The following ANKFN1 variants were observed in gnomAD, a reference collection of about 807,000 sequenced individuals.
ANKFN1 encodes ankyrin repeat and fibronectin type-III domain-containing protein 1.
A neutral mutation model predicts 108.7 loss-of-function variants in ANKFN1; 74 were observed. That is an observed-to-expected ratio of 0.68 (90% CI 0.56 to 0.83). ANKFN1 has a LOEUF of 0.83. Among genes scored for constraint, ANKFN1 ranks in the 40% least tolerant of loss-of-function variants. The pLI, the probability that ANKFN1 is intolerant of heterozygous loss-of-function variation, is 0.00. For synonymous variants in ANKFN1, 547 were observed against 516.2 expected, an observed-to-expected ratio of 1.06 and a Z score of -0.81; for missense variants, 1,505 against 1,382.3, an observed-to-expected ratio of 1.09 and a Z score of -1.41.
At chr17:56,226,757 C>A (rs924156379) in intron 2 of ANKFN1, among the ~76,000 whole-genome samples, 8 of 152,276 alleles carry the variant, frequency 5.3e-5, no homozygotes, top group South Asian at 2.1e-4. Flanking sequence ...AGAGGAAATA[C>A]AATAAGTCTG....
rs542436557 is a variant in ANKFN1, at chr17:56,064,112, C to T, written c.288+17787C>T. On this transcript the variant is annotated intron_variant, in intron 4 of 12. Transcript: ENST00000635860. ...GGCTGGAGAACAGCAAAGATGGGTG[C>T]GTACTCCTTCTTCTGGGATCTCTGA... Among the ~76,000 whole-genome samples, 50 of 152,264 alleles carry T rather than the reference C, an allele frequency of 3.3e-4. No homozygotes were observed. In the Middle Eastern group the frequency reaches 0.01, roughly 31 times the overall value.
intron 1 of ANKFN1, among the ~76,000 whole-genome samples, chr17:56,163,081 A>T (rs1470472820): frequency 6.6e-6 from 1 of 152,096 alleles, no homozygotes; most frequent in African/African-American, 2.4e-5. Context: ...ATCACTTAGT[A>T]AAGTCTACAG....
intron 16 of ANKFN1, 21 bp downstream of exon 16, chr17:56,477,675 A>AT (rs1568034839): frequency 3.1e-6 from 5 of 1,608,370 alleles, no homozygotes; most frequent in Non-Finnish European, 4.2e-6. Context: ...AGGAGTTAAG[A>AT]TTTTCCTTGT....
In ANKFN1 at chr17:56,253,037, G is replaced by A. The variant is rs139570726; in HGVS notation, c.53+25080G>A. Among the ~76,000 whole-genome samples, 301 of 152,240 alleles carry A rather than the reference G, an allele frequency of 2.0e-3. 2 individuals carry two copies. The highest frequency in any genetic ancestry group is 3.4e-4 in the Non-Finnish European group (23 of 68,016). On this transcript the variant is annotated intron_variant, in intron 3 of 20. Coordinates refer to ENST00000682825, the MANE Select transcript of ANKFN1 (RefSeq NM_001370326.1). ...ATGTTTGTGTCACTGCATCCAACCT[G>A]GGTGACAGAGCGAGACCTTGTCTTC...
chr17:56,304,732 C>A (rs1283511144), intron 3 of ANKFN1, among the ~76,000 whole-genome samples: 2 of 152,014 alleles, frequency 1.3e-5, no homozygotes, highest in Non-Finnish European at 2.9e-5. Context: ...CCCCTAATGG[C>A]TAATGATATT....
chr17:56,407,838 A>G (rs1276714159), intron 8 of ANKFN1, among the ~76,000 whole-genome samples: 2 of 152,180 alleles, frequency 1.3e-5, no homozygotes, highest in East Asian at 1.9e-4. Context: ...GCTTTCTTCA[A>G]TAACGCCAAT....
At chr17:56,414,584 T>G (rs1468216837) in intron 8 of ANKFN1, among the ~76,000 whole-genome samples, 3 of 152,204 alleles carry the variant, frequency 2.0e-5, no homozygotes, top group Non-Finnish European at 4.4e-5. Flanking sequence ...TGTGGAGAGA[T>G]AACACAGAGA....
At chr17:56,376,306 A>C (rs1474070174) in intron 8 of ANKFN1, among the ~76,000 whole-genome samples, 3 of 152,206 alleles carry the variant, frequency 2.0e-5, no homozygotes, top group Non-Finnish European at 4.4e-5. Context: ...TAGATAAGAC[A>C]GCATTGAATT....
intron 4 of ANKFN1, among the ~76,000 whole-genome samples, chr17:56,098,841 TC>T (rs1388349900): frequency 1.3e-5 from 2 of 148,178 alleles, no homozygotes; most frequent in African/African-American, 5.1e-5. Flanking sequence ...TCTCTAGAAG[TC>T]AGAGGGGTGT....
chr17:56,055,081 T>C (rs557356255), intron 4 of ANKFN1, among the ~76,000 whole-genome samples: 2 of 151,980 alleles, frequency 1.3e-5, no homozygotes, highest in Non-Finnish European at 2.9e-5. Context: ...TCTGATTTTC[T>C]TTGATTCAGG....
At chr17:56,442,703 A>G in intron 9 of ANKFN1, 140 bp from the exon 10 acceptor site, 1 of 625,928 alleles carries the variant, frequency 1.6e-6, no homozygotes, top group Non-Finnish European at 2.6e-6. Context: ...TCTGTTGCCC[A>G]TGAACTCTGT....
At chr17:56,118,864 T>C (rs1378277337) in intron 4 of ANKFN1, among the ~76,000 whole-genome samples, 1 of 152,182 alleles carries the variant, frequency 6.6e-6, no homozygotes, top group African/African-American at 2.4e-5. Flanking sequence ...ATTTGTAATC[T>C]ATTGATTTGA....
At chr17:56,394,329 T>C (rs1235654393) in intron 8 of ANKFN1, among the ~76,000 whole-genome samples, 4 of 152,280 alleles carry the variant, frequency 2.6e-5, no homozygotes, top group Middle Eastern at 3.4e-3. Flanking sequence ...CAAAGGTGAT[T>C]ATGTCACCAA....
chr17:56,127,467 C>T (rs1480784624), intron 4 of ANKFN1, among the ~76,000 whole-genome samples: 3 of 152,134 alleles, frequency 2.0e-5, no homozygotes, highest in Non-Finnish European at 4.4e-5. Flanking sequence ...GCATGTACCA[C>T]CACACCCAGC....
chr17:56,362,350 C>G, intron 6 of ANKFN1, among the ~76,000 whole-genome samples: 1 of 152,302 alleles, frequency 6.6e-6, no homozygotes, highest in South Asian at 2.1e-4. Context: ...CACTGTCCAA[C>G]ACAGAATCCA....
intron 15 of ANKFN1, among the ~76,000 whole-genome samples, chr17:56,469,964 A>G (rs1010044796): frequency 7.2e-5 from 11 of 151,770 alleles, no homozygotes; most frequent in Non-Finnish European, 1.0e-4. Context: ...ACAGGCCCCA[A>G]TGTAGGTTGT....
At chr17:56,095,045 G>A (rs1438036131) in intron 4 of ANKFN1, among the ~76,000 whole-genome samples, 2 of 150,860 alleles carry the variant, frequency 1.3e-5, no homozygotes, top group African/African-American at 4.9e-5. Context: ...TTATACAATG[G>A]CTCACTCTAG....
intron 4 of ANKFN1, among the ~76,000 whole-genome samples, chr17:56,055,510 C>CTG (rs150078580): frequency 0.012 from 1,323 of 111,872 alleles, 32 homozygotes; most frequent in African/African-American, 0.042. Flanking sequence ...GTATGTATGT[C>CTG]TGTGTGTGTG....
chr17:56,417,243 A>T (rs1189464983), intron 8 of ANKFN1, among the ~76,000 whole-genome samples: 1 of 152,234 alleles, frequency 6.6e-6, no homozygotes, highest in Non-Finnish European at 1.5e-5. Context: ...AACACAAAGG[A>T]CAAATGCTTG....
Sources: allele counts gnomAD v4.1 joint callset (sites outside exome capture counted in the v4.1 genomes callset), GRCh38; gene constraint gnomAD v4.1.1; transcripts MANE v1.5; gene names NCBI Gene and HGNC (gene_info 2026-07-23, HGNC 2026-07-21).